Variants in GSE1 observed in about 807,000 individuals in gnomAD.
The protein encoded by GSE1 is Gse1 coiled-coil protein, also known as genetic suppressor element 1.
A neutral mutation model predicts 112.6 loss-of-function variants in GSE1; 32 were observed. The ratio of observed to expected loss-of-function variants is 0.28; its 90% CI spans 0.21 to 0.38. The LOEUF (loss-of-function observed/expected upper bound fraction) is 0.38, where lower values mean the gene tolerates loss of function less well. Ranked by LOEUF, GSE1 falls within the 10% of genes least tolerant of loss-of-function variation. GSE1 has a pLI of 1.00. For missense variants in GSE1, 2,348 were observed against 1,699.2 expected, an observed-to-expected ratio of 1.38 and a Z score of -6.71; for synonymous variants, 1,115 against 735.6, an observed-to-expected ratio of 1.52 and a Z score of -8.35.
At chr16:85,574,199 C>T (rs949939996) in intron 1 of GSE1, among the ~76,000 whole-genome samples, 1 of 152,194 alleles carries the variant, frequency 6.6e-6, no homozygotes, top group Non-Finnish European at 1.5e-5. Context: ...CATTGAGGGC[C>T]GGCCGTGGAA....
chr16:85,389,701 A>G (rs1436273436), intron 2 of GSE1, among the ~76,000 whole-genome samples: 1 of 152,152 alleles, frequency 6.6e-6, no homozygotes, highest in Non-Finnish European at 1.5e-5. Flanking sequence ...CTTCTCTTCC[A>G]TATACAGAAG....
chr16:85,631,900 A>G (rs565705646), intron 1 of GSE1, among the ~76,000 whole-genome samples: 3 of 152,366 alleles, frequency 2.0e-5, no homozygotes, highest in Admixed American at 6.5e-5. Flanking sequence ...GTGCACAGGG[A>G]GAGGCACTGA....
intron 1 of GSE1, among the ~76,000 whole-genome samples, chr16:85,226,503 A>G (rs576089151): frequency 2.6e-4 from 39 of 152,354 alleles, no homozygotes; most frequent in Non-Finnish European, 4.0e-4. Flanking sequence ...GTGACTCTGC[A>G]GCCAGATGGC....
chr16:85,244,915 C>T (rs555907600), intron 1 of GSE1, among the ~76,000 whole-genome samples: 3 of 150,498 alleles, frequency 2.0e-5, no homozygotes, highest in East Asian at 2.0e-4. Flanking sequence ...CGCTTGAACC[C>T]GGGAGGCAGA....
chr16:85,397,380 G>A (rs1051551742), intron 2 of GSE1, among the ~76,000 whole-genome samples: 2 of 152,232 alleles, frequency 1.3e-5, no homozygotes, highest in South Asian at 2.1e-4. Flanking sequence ...GTGCTGAGCC[G>A]TCTCCTGCGG....
At chr16:85,508,786 C>T (rs1476592778) in intron 2 of GSE1, among the ~76,000 whole-genome samples, 1 of 152,194 alleles carries the variant, frequency 6.6e-6, no homozygotes, top group African/African-American at 2.4e-5. Context: ...TTGTCTTTTA[C>T]CTGAACTGGG....
upstream of GSE1, chr16:85,555,564 C>T (rs1490996088): frequency 5.2e-6 from 5 of 958,872 alleles, no homozygotes; most frequent in African/African-American, 3.5e-5. Flanking sequence ...TCCCCTCTCC[C>T]GCTCGCCCCC....
At chr16:85,340,225 C>T (rs2046595279) in intron 1 of GSE1, among the ~76,000 whole-genome samples, 1 of 152,100 alleles carries the variant, frequency 6.6e-6, no homozygotes, top group Non-Finnish European at 1.5e-5. Context: ...TGGCGTGTGT[C>T]TGTGGTCCCA....
intron 1 of GSE1, among the ~76,000 whole-genome samples, chr16:85,578,808 A>G (rs2046335193): frequency 6.6e-6 from 1 of 150,952 alleles, no homozygotes; most frequent in African/African-American, 2.4e-5. Flanking sequence ...CTCAGATGCC[A>G]CCTTTGAGGC....
chr16:85,507,590 G>C (rs186684229), intron 2 of GSE1, among the ~76,000 whole-genome samples: 60 of 152,354 alleles, frequency 3.9e-4, no homozygotes, highest in African/African-American at 1.3e-3. Context: ...GAGCAGGGTT[G>C]CTTTCCTCTG....
intron 2 of GSE1, among the ~76,000 whole-genome samples, chr16:85,456,859 G>T (rs1292411461): frequency 6.6e-6 from 1 of 151,996 alleles, no homozygotes; most frequent in Non-Finnish European, 1.5e-5. Context: ...AGGGACGGTG[G>T]GACTCACAGG....
chr16:85,361,767 C>T (rs577539831), intron 2 of GSE1, among the ~76,000 whole-genome samples: 8 of 152,228 alleles, frequency 5.3e-5, no homozygotes, highest in Non-Finnish European at 1.0e-4. Flanking sequence ...AACACGTGGC[C>T]GTCAGCTGCC....
Position 85,398,648 on chromosome 16 carries a change from T to C in GSE1, c.2464+41005T>C, listed in dbSNP as rs2048021541. Among the ~76,000 whole-genome samples the C allele has an allele frequency of 3.3e-5, 5 of 152,120 alleles. No homozygotes were observed. In the South Asian group the frequency reaches 1.0e-3, roughly 32 times the overall value. ...GACTCTGGACCTCAGTTTCCCCAGC[T>C]ATAAAGTGGGATAGGTTAGGATCGA... On this transcript the variant is annotated intron_variant, in intron 2 of 2. Coordinates refer to the GSE1 transcript ENST00000637419.
Position 85,515,790 on chromosome 16 carries a change from G to A in GSE1, c.2465-118124G>A, listed in dbSNP as rs535150894. Among the ~76,000 whole-genome samples, 33 of 152,260 alleles carry A rather than the reference G, an allele frequency of 2.2e-4. No individual in the cohort carries two copies. In the East Asian group the frequency reaches 5.8e-3, roughly 27 times the overall value. Reference sequence around the variant, plus strand: ...TGCTCTTCAGTGGCCCCCAGCACATGTGGACAGAGCCCTTTAAGCACCCCA... The same window carrying A: ...TGCTCTTCAGTGGCCCCCAGCACATATGGACAGAGCCCTTTAAGCACCCCA... On this transcript the variant is annotated intron_variant, in intron 2 of 2. Transcript: ENST00000637419.
At position 85,198,700 on chromosome 16, in the gene GSE1, AC is replaced by A. The variant is rs557290626; in HGVS notation, c.2283+26899del. Among the ~76,000 whole-genome samples the A allele has an allele frequency of 7.5e-3, 1,129 of 151,382 alleles. 5 individuals are homozygous for A. Among genetic ancestry groups the A allele is most frequent in the Non-Finnish European group, 0.013 (857 of 67,852 alleles). ...TTTGATTCCGCCCTACACTGCAGAG[AC>A]CCCCCACCCCGACCCTTTAGCCCCT... On this transcript the variant is annotated intron_variant, in intron 1 of 2. Transcript: ENST00000637419.
chr16:85,233,916 G>A (rs1236577975), intron 1 of GSE1, among the ~76,000 whole-genome samples: 1 of 152,078 alleles, frequency 6.6e-6, no homozygotes, highest in South Asian at 2.1e-4. Context: ...CCTGCCCCCT[G>A]TCCACACATG....
At chr16:85,372,221 G>A (rs1052579148) in intron 2 of GSE1, among the ~76,000 whole-genome samples, 6 of 152,082 alleles carry the variant, frequency 3.9e-5, no homozygotes, top group South Asian at 2.1e-4. Context: ...TGGCGGGCGC[G>A]GTGGCTTGTG....
rs924326865 is a variant in GSE1 at position 85,419,748 on chromosome 16, C to T, written c.2464+62105C>T. Reference sequence around the variant, plus strand: ...GGATCTCTAAAAACCCCTCTGATGCCTGCCTCCCCCGCCCCGCCCCCACCC... The same window carrying T: ...GGATCTCTAAAAACCCCTCTGATGCTTGCCTCCCCCGCCCCGCCCCCACCC... On this transcript the variant is annotated intron_variant, in intron 2 of 2. Coordinates refer to the GSE1 transcript ENST00000637419. This position sits in a 1 kb window ranked among gnomAD's most constrained non-coding sequence, Gnocchi z 6.5. 6.6e-6 allele frequency among the ~76,000 whole-genome samples: 1 copy of T among 152,154 alleles called. No individual in the cohort carries two copies. The highest frequency in any genetic ancestry group is 1.5e-5 in the Non-Finnish European group (1 of 68,030).
At position 85,663,089 on chromosome 16, in the gene GSE1, C is replaced by G. The variant is rs141120441; in HGVS notation, c.2369C>G (p.Ser790Cys). 3 of 1,600,022 alleles carry G rather than the reference C, an allele frequency of 1.9e-6. No homozygotes were observed. The African/African-American group carries it at 4.0e-5, about 21-fold the overall frequency. Reference sequence around the variant, plus strand: ...CCGCCCCTCAAACTGGACACGTCCTCTGAGGTACTGGGCTCTCCTCCCCAC... The same window carrying G: ...CCGCCCCTCAAACTGGACACGTCCTGTGAGGTACTGGGCTCTCCTCCCCAC... ...EQPPLKLDTS[S>C]EKLEFLQLFG... Residue 790 changes from serine to cysteine, a missense_variant, in exon 10 of 16, where the codon TCT (serine) becomes TGT (cysteine). By Grantham distance (112) the Ser-to-Cys change is moderately radical (BLOSUM62 -1). Coordinates refer to ENST00000253458, the MANE Select transcript of GSE1 (RefSeq NM_014615.5).
Sources: allele counts gnomAD v4.1 joint callset (sites outside exome capture counted in the v4.1 genomes callset), GRCh38; gene constraint gnomAD v4.1.1; non-coding constraint Gnocchi (gnomAD v3.1); transcripts MANE v1.5; gene names NCBI Gene and HGNC (gene_info 2026-07-23, HGNC 2026-07-21).